The following ENPP2 variants were observed in gnomAD, a reference collection of about 807,000 sequenced individuals.
The protein encoded by ENPP2 is autotaxin.
ENPP2 carries 51 observed loss-of-function variants against 120.2 expected under a neutral mutation model. The observed-to-expected ratio is 0.42, with a 90% CI of 0.34 to 0.54. The LOEUF (loss-of-function observed/expected upper bound fraction) is 0.54, where lower values mean the gene tolerates loss of function less well. ENPP2 is among the 20% of genes least tolerant of loss of function. The pLI, the probability that ENPP2 is intolerant of heterozygous loss-of-function variation, is 0.04. For missense variants in ENPP2, 920 were observed against 1,066.5 expected (o/e 0.86, Z 1.91); for synonymous variants, 365 against 366.4 (o/e 1.00, Z 0.04).
chr8:119,590,928 A>C (rs1043283076), intron 12 of ENPP2, among the ~76,000 whole-genome samples: 2 of 148,442 alleles, frequency 1.3e-5, no homozygotes, highest in African/African-American at 2.5e-5. Context: ...GGAAGTCACC[A>C]TGATTTAAAC....
At chr8:119,631,399 G>GTA (rs1816669759) in intron 2 of ENPP2, among the ~76,000 whole-genome samples, 1 of 150,646 alleles carries the variant, frequency 6.6e-6, no homozygotes, top group African/African-American at 2.4e-5. Context: ...TGTATTTTTA[G>GTA]TACAGACCGG....
intron 2 of ENPP2, among the ~76,000 whole-genome samples, chr8:119,627,404 A>T (rs1816353881): frequency 6.6e-6 from 1 of 152,206 alleles, no homozygotes; most frequent in Non-Finnish European, 1.5e-5. Flanking sequence ...AAATTCCACA[A>T]ATTTGTAATA....
At chr8:119,605,224 AC>A (rs1306308184) in intron 9 of ENPP2, among the ~76,000 whole-genome samples, 3 of 151,856 alleles carry the variant, frequency 2.0e-5, no homozygotes, top group Admixed American at 6.6e-5. Flanking sequence ...GGCACGTGCC[AC>A]CATGCCTGGC....
chr8:119,610,886 G>C lies in ENPP2; in HGVS notation c.778-2909C>G, dbSNP rs1457244309. Among the ~76,000 whole-genome samples, 3 of 146,064 alleles carry C rather than the reference G, an allele frequency of 2.1e-5. No individual in the cohort carries two copies. The East Asian group carries it at 5.9e-4, about 29-fold the overall frequency. On this transcript the variant is annotated intron_variant, in intron 8 of 24. Coordinates refer to ENST00000075322, the MANE Select transcript of ENPP2 (RefSeq NM_001040092.3). Reference sequence around the variant, plus strand: ...CCACTGCCCTCCAGCCTGGATGACAGAGTGAGATTCTGTCTTTAAAAAAAA... The same window carrying C: ...CCACTGCCCTCCAGCCTGGATGACACAGTGAGATTCTGTCTTTAAAAAAAA...
chr8:119,672,008 AG>A (rs920493125), intron 1 of ENPP2, among the ~76,000 whole-genome samples: 2 of 152,042 alleles, frequency 1.3e-5, no homozygotes, highest in Admixed American at 6.6e-5. Context: ...TGTGCGTGGG[AG>A]GGGGGGAGTT....
At chr8:119,595,467 C>G (rs748461901) in intron 11 of ENPP2, among the ~76,000 whole-genome samples, 1 of 152,150 alleles carries the variant, frequency 6.6e-6, no homozygotes, top group Non-Finnish European at 1.5e-5. Context: ...CTATTGAGTT[C>G]TAATCCACAT....
intron 11 of ENPP2, among the ~76,000 whole-genome samples, chr8:119,594,477 TAA>T (rs1465925907): frequency 2.0e-5 from 3 of 152,234 alleles, no homozygotes; most frequent in Non-Finnish European, 4.4e-5. Flanking sequence ...CAAGAATCTA[TAA>T]GAGTCCTAAC....
intron 15 of ENPP2, among the ~76,000 whole-genome samples, chr8:119,584,750 G>A (rs1458864045): frequency 6.6e-6 from 1 of 152,090 alleles, no homozygotes; most frequent in Non-Finnish European, 1.5e-5. Context: ...TTCCTTTTGT[G>A]ACAGAAGACA....
chr8:119,609,296 G>A (rs932186347), intron 8 of ENPP2, among the ~76,000 whole-genome samples: 1 of 152,108 alleles, frequency 6.6e-6, no homozygotes, highest in African/African-American at 2.4e-5. Flanking sequence ...TGGCAAATGA[G>A]GGATGGGGCA....
At chr8:119,626,212 A>G (rs1254388407) in intron 3 of ENPP2, among the ~76,000 whole-genome samples, 1 of 152,194 alleles carries the variant, frequency 6.6e-6, no homozygotes, top group African/African-American at 2.4e-5. Context: ...AATAAGTAAT[A>G]AAAAAGAACA....
At chr8:119,653,768 C>T (rs1425865707) in intron 1 of ENPP2, among the ~76,000 whole-genome samples, 10 of 152,042 alleles carry the variant, frequency 6.6e-5, no homozygotes, top group Non-Finnish European at 1.3e-4. Flanking sequence ...AAGTCTCACT[C>T]TTACTGCTGT....
intron 2 of ENPP2, among the ~76,000 whole-genome samples, chr8:119,627,273 A>G (rs1816345508): frequency 6.6e-6 from 1 of 152,206 alleles, no homozygotes; most frequent in Non-Finnish European, 1.5e-5. Context: ...TACAAATACA[A>G]GCTCTATAAT....
At chr8:119,645,215 T>G (rs1817407017) in intron 1 of ENPP2, among the ~76,000 whole-genome samples, 1 of 152,134 alleles carries the variant, frequency 6.6e-6, no homozygotes, top group South Asian at 2.1e-4. Flanking sequence ...CAGTCCTCTT[T>G]CCGCCGCAGC....
chr8:119,559,247 T>A (rs915305766), intron 24 of ENPP2, among the ~76,000 whole-genome samples: 5 of 152,060 alleles, frequency 3.3e-5, no homozygotes, highest in Admixed American at 1.3e-4. Context: ...CCCCTCAGAG[T>A]AAGCAGGGCA....
At chr8:119,657,047 C>T (rs370561101) in intron 1 of ENPP2, among the ~76,000 whole-genome samples, 3 of 152,274 alleles carry the variant, frequency 2.0e-5, no homozygotes, top group African/African-American at 7.2e-5. Flanking sequence ...CCTGCCTCAG[C>T]CTCCCGAGTA....
chr8:119,662,397 C>T (rs888429991), intron 1 of ENPP2, among the ~76,000 whole-genome samples: 14 of 152,006 alleles, frequency 9.2e-5, no homozygotes, highest in Non-Finnish European at 1.8e-4. Flanking sequence ...ACCAATGGGT[C>T]TCAAAGTGTG....
intron 1 of ENPP2, among the ~76,000 whole-genome samples, chr8:119,659,166 A>G (rs1446944576): frequency 6.6e-6 from 1 of 151,952 alleles, no homozygotes; most frequent in Non-Finnish European, 1.5e-5. Context: ...AAAACACAAA[A>G]GTTAGCCAGA....
intron 2 of ENPP2, among the ~76,000 whole-genome samples, chr8:119,627,698 C>G (rs1225086406): frequency 3.3e-5 from 5 of 151,832 alleles, no homozygotes; most frequent in African/African-American, 4.8e-5. Flanking sequence ...CCAGTCTCTA[C>G]TAAAAATACA....
chr8:119,626,800 G>T (rs984240164), intron 2 of ENPP2, 80 bp from the exon 3 acceptor site: 3 of 1,289,392 alleles, frequency 2.3e-6, no homozygotes, highest in African/African-American at 2.9e-5. Flanking sequence ...GAAGCTGTGC[G>T]GTGTGATGCT....
Sources: gnomAD v4.1 joint callset for allele counts (sites outside exome capture counted in the v4.1 genomes callset) on GRCh38, gnomAD v4.1.1 for gene constraint, MANE v1.5 for transcripts, NCBI Gene and HGNC (gene_info 2026-07-23, HGNC 2026-07-21) for gene names.